Variants in FBN2 observed in about 807,000 individuals in gnomAD.
FBN2 encodes fibrillin 2, also known as fibrillin-2.
A neutral mutation model predicts 355.6 loss-of-function variants in FBN2; 105 were observed. That is an observed-to-expected ratio of 0.30 (90% CI 0.25 to 0.35). The LOEUF (loss-of-function observed/expected upper bound fraction) is 0.35. Among genes scored for constraint, FBN2 ranks in the 10% least tolerant of loss-of-function variants. FBN2 has a pLI of 1.00. For synonymous variants in FBN2, 1,350 were observed against 1,301.2 expected (o/e 1.04, Z -0.81); for missense variants, 3,280 against 3,758.7 (o/e 0.87, Z 3.33).
At chr5:128,537,169 G>C (rs1476401616) in intron 1 of FBN2, among the ~76,000 whole-genome samples, 181 bp downstream of exon 1, 1 of 151,738 alleles carries the variant, frequency 6.6e-6, no homozygotes, top group Non-Finnish European at 1.5e-5. Context: ...GCTGAGCTGC[G>C]GGGTTGGGAA....
At chr5:128,269,919 G>C (rs1765225015) in intron 62 of FBN2, among the ~76,000 whole-genome samples, 1 of 152,166 alleles carries the variant, frequency 6.6e-6, no homozygotes, top group Non-Finnish European at 1.5e-5. Flanking sequence ...AAAGCTGGAG[G>C]CCTCATGCTA....
At chr5:128,327,885 G>A (rs1487706065) in intron 34 of FBN2, among the ~76,000 whole-genome samples, 3 of 152,138 alleles carry the variant, frequency 2.0e-5, no homozygotes, top group Non-Finnish European at 4.4e-5. Flanking sequence ...TGATCCACCT[G>A]CTTCGGCCTC....
chr5:128,459,713 C>T (rs1306320485), intron 6 of FBN2, among the ~76,000 whole-genome samples: 1 of 152,124 alleles, frequency 6.6e-6, no homozygotes, highest in Non-Finnish European at 1.5e-5. Context: ...AGACAAAAAC[C>T]ACATGATTAT....
In FBN2 at chr5:128,287,487, AC is replaced by A. The variant is rs1482121741; in HGVS notation, c.6758-58del. On this transcript the variant is annotated intron_variant, in intron 53 of 64. Coordinates refer to ENST00000262464, the MANE Select transcript of FBN2 (RefSeq NM_001999.4). Reference sequence around the variant, plus strand: ...GCCTAGAGTTCTAATTATTTGTGTAACTAAATGTTGATGTCATTTACTTGGC... The same window carrying A: ...GCCTAGAGTTCTAATTATTTGTGTAATAAATGTTGATGTCATTTACTTGGC... 7.5e-6 allele frequency: 12 copies of A among 1,599,120 alleles called. No homozygotes were observed. In the African/African-American group the frequency reaches 1.6e-4, roughly 21 times the overall value.
At chr5:128,286,883 G>A in intron 54 of FBN2, 34 bp from the exon 55 acceptor site, 2 of 1,605,360 alleles carry the variant, frequency 1.2e-6, no homozygotes, top group Non-Finnish European at 1.7e-6. Flanking sequence ...AAATTATCTG[G>A]AGCAAGCTGT....
chr5:128,430,448 ACTTT>A (rs1387184420), intron 7 of FBN2, among the ~76,000 whole-genome samples: 41 of 152,184 alleles, frequency 2.7e-4, no homozygotes, highest in Admixed American at 2.7e-3. Context: ...TGTTTAAAGC[ACTTT>A]CTTTCTTGTT....
intron 28 of FBN2, 108 bp from the exon 29 acceptor site, chr5:128,335,685 A>G: frequency 7.8e-7 from 1 of 1,281,926 alleles, no homozygotes; most frequent in Non-Finnish European, 1.1e-6. Flanking sequence ...TCTCCCCACT[A>G]TGTGTGTTGA....
intron 5 of FBN2, among the ~76,000 whole-genome samples, chr5:128,497,382 T>C (rs964487034): frequency 2.0e-5 from 3 of 152,192 alleles, no homozygotes; most frequent in East Asian, 3.9e-4. Flanking sequence ...TCTGGTTTGA[T>C]AATCATCACA....
At chr5:128,320,583 A>G (rs1750341867) in intron 34 of FBN2, among the ~76,000 whole-genome samples, 1 of 152,224 alleles carries the variant, frequency 6.6e-6, no homozygotes, top group African/African-American at 2.4e-5. Flanking sequence ...GTATAAAAGA[A>G]CGCATTTTAA....
intron 39 of FBN2, among the ~76,000 whole-genome samples, chr5:128,310,723 C>A (rs1750030874): frequency 6.6e-6 from 1 of 152,062 alleles, no homozygotes; most frequent in Admixed American, 6.6e-5. Context: ...ACTCATTTCA[C>A]AATTAAAATA....
chr5:128,465,037 A>C (rs898186139), intron 5 of FBN2, 116 bp from the exon 6 acceptor site: 1 of 976,208 alleles, frequency 1.0e-6, no homozygotes, highest in African/African-American at 1.6e-5. Context: ...GTCCAAAGAC[A>C]GAAGGCTAGA....
At chr5:128,495,456 TTAAC>T (rs996028514) in intron 5 of FBN2, among the ~76,000 whole-genome samples, 4 of 152,078 alleles carry the variant, frequency 2.6e-5, no homozygotes, top group African/African-American at 9.7e-5. Flanking sequence ...TCCAAGAAGT[TTAAC>T]AAAGTTTAAG....
At chr5:128,500,581 A>C (rs567575976) in intron 5 of FBN2, among the ~76,000 whole-genome samples, 1 of 151,754 alleles carries the variant, frequency 6.6e-6, no homozygotes, top group East Asian at 1.9e-4. Context: ...AGTAGCTGGG[A>C]CTACAGGCGC....
At chr5:128,318,495 A>G (rs1020377839) in intron 35 of FBN2, among the ~76,000 whole-genome samples, 1 of 152,290 alleles carries the variant, frequency 6.6e-6, no homozygotes, top group East Asian at 1.9e-4. Flanking sequence ...CTTAACAAAT[A>G]CATTGTAATT....
At chr5:128,346,559 G>A (rs1337374695) in intron 23 of FBN2, among the ~76,000 whole-genome samples, 1 of 152,092 alleles carries the variant, frequency 6.6e-6, no homozygotes, top group Admixed American at 6.5e-5. Context: ...GTTCTAAAAG[G>A]TAATGAGTTA....
intron 48 of FBN2, among the ~76,000 whole-genome samples, chr5:128,296,465 C>T (rs1749515273): frequency 6.6e-6 from 1 of 151,798 alleles, no homozygotes; most frequent in African/African-American, 2.4e-5. Flanking sequence ...TCCATCTGGT[C>T]CTGGACTCTT....
At chr5:128,497,641 GT>G (rs1755691759) in intron 5 of FBN2, among the ~76,000 whole-genome samples, 1 of 152,144 alleles carries the variant, frequency 6.6e-6, no homozygotes, top group Non-Finnish European at 1.5e-5. Context: ...GCAATAAAGT[GT>G]TTTTAAAAGG....
intron 41 of FBN2, among the ~76,000 whole-genome samples, chr5:128,308,248 C>A (rs1749936979): frequency 6.6e-6 from 1 of 152,192 alleles, no homozygotes; most frequent in Admixed American, 6.5e-5. Flanking sequence ...AAGAAAGTGC[C>A]ATTTTAATTC....
At chr5:128,384,438 T>C (rs563625533) in intron 11 of FBN2, among the ~76,000 whole-genome samples, 3 of 152,224 alleles carry the variant, frequency 2.0e-5, no homozygotes, top group East Asian at 3.9e-4. Flanking sequence ...ACTTCAAATA[T>C]ATACAACTTA....
Sources: gnomAD v4.1 joint callset for allele counts (sites outside exome capture counted in the v4.1 genomes callset) on GRCh38, gnomAD v4.1.1 for gene constraint, MANE v1.5 for transcripts, NCBI Gene and HGNC (gene_info 2026-07-23, HGNC 2026-07-21) for gene names.